BSCL2: variants seen among roughly 807,000 people sequenced by gnomAD.
The protein encoded by BSCL2 is seipin.
A neutral mutation model predicts 57.4 loss-of-function variants in BSCL2; 41 were observed. The ratio of observed to expected loss-of-function variants is 0.71; its 90% CI spans 0.56 to 0.93. The LOEUF (loss-of-function observed/expected upper bound fraction) is 0.93. Ranked by LOEUF, BSCL2 falls within the 40% of genes least tolerant of loss-of-function variation. The pLI is 0.00. For missense variants in BSCL2, 539 were observed against 586.7 expected, an observed-to-expected ratio of 0.92 and a Z score of 0.84; for synonymous variants, 237 against 227.3, an observed-to-expected ratio of 1.04 and a Z score of -0.38.
chr11:62,690,820 C>T lies in BSCL2; in HGVS notation c.1120G>A (p.Asp374Asn). ...ESTPQSDVTE[D>N]GESPEDPSGT... ...GAGGGATCTTCAGGGCTCTCACCAT[C>T]CTCTGTAACATCTGATTGCGGAGTT... The change falls in exon 9 of 11, where the codon GAT (aspartate) becomes AAT (asparagine). Residue 374 changes from aspartate (D) to asparagine (N), a missense_variant. By Grantham distance (23) the Asp-to-Asn change is conservative. Coordinates refer to ENST00000360796, the MANE Select transcript of BSCL2 (RefSeq NM_001122955.4). The T allele has an allele frequency of 3.1e-6, 5 of 1,613,634 alleles. No individual in the cohort carries two copies.
Position 62,690,604 on chromosome 11 carries a change from C to T in BSCL2, c.1234+8G>A. On this transcript the variant is annotated splice_region_variant and intron_variant, in intron 10 of 10. Transcript: ENST00000360796. ...CCCACCCAGGTCACGCTGCAGGATG[C>T]CCCTCACCATCACTGGCCTCAGGCT... 1 of 1,614,010 alleles carries T rather than the reference C, an allele frequency of 6.2e-7. No individual in the cohort carries two copies. The highest frequency in any genetic ancestry group is 8.5e-7 in the Non-Finnish European group (1 of 1,179,994).
intron 3 of BSCL2, chr11:62,697,610 A>AC (rs1945508977): frequency 6.6e-6 from 1 of 150,872 alleles, no homozygotes; most frequent in South Asian, 2.1e-4. Flanking sequence ...ACGTGGTGAA[A>AC]CCCCGTCTCT....
chr11:62,699,062 C>G (rs545779325), intron 3 of BSCL2, among the ~76,000 whole-genome samples: 1 of 152,036 alleles, frequency 6.6e-6, no homozygotes, highest in Non-Finnish European at 1.5e-5. Context: ...CACACCACCA[C>G]GCCCAGCTAA....
At chr11:62,707,741 A>C, upstream of BSCL2, 1 of 303,644 alleles carries the variant, frequency 3.3e-6, no homozygotes, top group South Asian at 3.4e-5. Context: ...AGAAACTGAG[A>C]CCAGACCTCT....
chr11:62,693,119 G>A (rs1009183670), intron 4 of BSCL2, among the ~76,000 whole-genome samples: 2 of 152,198 alleles, frequency 1.3e-5, no homozygotes, highest in African/African-American at 2.4e-5. Flanking sequence ...AAGTCCCAGC[G>A]CACCATCTGA....
At chr11:62,699,658 T>C (rs952234268) in intron 3 of BSCL2, among the ~76,000 whole-genome samples, 2 of 146,636 alleles carry the variant, frequency 1.4e-5, no homozygotes, top group African/African-American at 5.0e-5. Flanking sequence ...CTGGGCAACA[T>C]AGCAAAATCC....
At chr11:62,691,258 G>T (rs760018031) in intron 7 of BSCL2, 22 bp downstream of exon 7, 1 of 1,614,162 alleles carries the variant, frequency 6.2e-7, no homozygotes, top group South Asian at 1.1e-5. Flanking sequence ...AGGGACAAAA[G>T]GGGGTCCTTG....
At chr11:62,702,584 T>TA in intron 2 of BSCL2, 35 bp from the exon 3 acceptor site, 2 of 1,561,950 alleles carry the variant, frequency 1.3e-6, no homozygotes. Context: ...TCTGCTAAGT[T>TA]AGTCTTACTA....
chr11:62,690,360 C>T lies in BSCL2; in HGVS notation c.*7G>A. 2 of 1,613,924 alleles carry T rather than the reference C, an allele frequency of 1.2e-6. No individual in the cohort carries two copies. Among genetic ancestry groups the T allele is most frequent in the Non-Finnish European group, 1.7e-6 (2 of 1,180,026 alleles). On this transcript the variant is annotated 3_prime_UTR_variant, in exon 11 of 11. Transcript: ENST00000360796. ...GTGCTGGAATGTGAGGAGTCTGCCCCTTTTCTTCAGGAACTAGAGCAGGTG... is the reference window on the plus strand; with the variant it reads ...GTGCTGGAATGTGAGGAGTCTGCCCTTTTTCTTCAGGAACTAGAGCAGGTG...
rs752056113 is a variant in BSCL2, at chr11:62,694,552, G to A, written c.630+16C>T. The A allele has an allele frequency of 1.9e-6, 3 of 1,613,796 alleles. No individual in the cohort carries two copies. Among genetic ancestry groups the A allele is most frequent in the East Asian group, 2.2e-5 (1 of 44,850 alleles). The stretch of plus-strand genomic sequence containing the variant: ...ATCTTCCTCCACACCTTCTCAGACA[G>A]GCCACCAACACTTACCGAACGCGAA... On this transcript the variant is annotated intron_variant, in intron 4 of 10. Coordinates refer to ENST00000360796, the MANE Select transcript of BSCL2 (RefSeq NM_001122955.4).
intron 2 of BSCL2, among the ~76,000 whole-genome samples, chr11:62,702,844 G>C (rs1337244163): frequency 6.6e-6 from 1 of 151,984 alleles, no homozygotes; most frequent in African/African-American, 2.4e-5. Flanking sequence ...GACTTAAGGA[G>C]CTTGATAAAA....
At position 62,691,132 on chromosome 11, in the gene BSCL2, G is replaced by A. The variant is rs137852974; in HGVS notation, c.1015C>T (p.Arg339Ter). ...RHRFSLQVNI[R>*]KRDNSRKEVQ... ...TCCTTCCGGGAATTGTCTCTTTTTC[G>A]GATGTTAACCTGTGGAGGAAAAACT... The change falls in exon 8 of 11, where the codon CGA (arginine) becomes TGA (stop). Residue 339 changes from arginine (R) to a stop codon, truncating the protein, a stop_gained. Transcript: ENST00000360796. LOFTEE classifies it high-confidence loss of function. The A allele has an allele frequency of 5.6e-6, 9 of 1,614,012 alleles. No individual in the cohort carries two copies. In the East Asian group the frequency reaches 8.9e-5, roughly 16 times the overall value.
Position 62,692,752 on chromosome 11 carries a change from G to T in BSCL2, c.676C>A (p.Leu226Met). The T allele has an allele frequency of 6.2e-7, 1 of 1,614,126 alleles. No individual in the cohort carries two copies. The highest frequency in any genetic ancestry group is 8.5e-7 in the Non-Finnish European group (1 of 1,180,042). The change falls in exon 5 of 11, where the codon CTG (leucine) becomes ATG (methionine). Residue 226 changes from leucine (L) to methionine (M), a missense_variant. Leu to Met is a conservative substitution (Grantham distance 15). Coordinates refer to ENST00000360796, the MANE Select transcript of BSCL2 (RefSeq NM_001122955.4). Reference sequence around the variant, plus strand: ...AATAGCAGGAGGCTAGAGAAGACCAGTGTGTCCAGCATCTGGAGCAGGTCT... The same window carrying T: ...AATAGCAGGAGGCTAGAGAAGACCATTGTGTCCAGCATCTGGAGCAGGTCT... The part of the protein sequence containing the change: ...RSDLLQMLDT[L>M]VFSSLLLFGF...
chr11:62,691,268 GC>G lies in BSCL2; in HGVS notation c.1005+11del. ...ATCAAAGGGACAAAAGGGGGTCCTTGCCCCTTTCGACCTGCAAAGAGAAGCG... is the reference window on the plus strand; with the variant it reads ...ATCAAAGGGACAAAAGGGGGTCCTTGCCCTTTCGACCTGCAAAGAGAAGCG... On this transcript the variant is annotated intron_variant, in intron 7 of 10. Coordinates refer to ENST00000360796, the MANE Select transcript of BSCL2 (RefSeq NM_001122955.4). The G allele has an allele frequency of 6.2e-7, 1 of 1,614,116 alleles. No individual in the cohort carries two copies. The highest frequency in any genetic ancestry group is 8.5e-7 in the Non-Finnish European group (1 of 1,180,020).
Position 62,690,816 on chromosome 11 carries a change from CCA to C in BSCL2, c.1122_1123del (p.Asp374GlufsTer2). 1 of 1,613,646 alleles carries C rather than the reference CCA, an allele frequency of 6.2e-7. No individual in the cohort carries two copies. Among genetic ancestry groups the C allele is most frequent in the Non-Finnish European group, 8.5e-7 (1 of 1,179,950 alleles). On this transcript the variant is annotated frameshift_variant, in exon 9 of 11. Transcript: ENST00000360796. LOFTEE classifies it high-confidence loss of function. ...CCCTGAGGGATCTTCAGGGCTCTCACCATCCTCTGTAACATCTGATTGCGGAG... is the reference window on the plus strand; with the variant it reads ...CCCTGAGGGATCTTCAGGGCTCTCACTCCTCTGTAACATCTGATTGCGGAG...
At chr11:62,693,116 AGC>A (rs2134697397) in intron 4 of BSCL2, among the ~76,000 whole-genome samples, 1 of 152,296 alleles carries the variant, frequency 6.6e-6, no homozygotes, top group East Asian at 1.9e-4. Flanking sequence ...TCTAAGTCCC[AGC>A]GCACCATCTG....
intron 2 of BSCL2, among the ~76,000 whole-genome samples, chr11:62,703,742 G>T (rs899086344): frequency 1.3e-5 from 2 of 151,960 alleles, no homozygotes; most frequent in South Asian, 4.2e-4. Context: ...CTGGACCAGG[G>T]ACTTAAGGGA....
rs778931376 is a variant in BSCL2 at position 62,690,653 on chromosome 11, G to C, written c.1193C>G (p.Pro398Arg). ...LSEEEKPDQQ[P>R]LSGEEELEPE... Reference sequence around the variant, plus strand: ...CTCTAGCTCCTCTTCTCCGCTCAGGGGCTGCTGATCTGGTTTCTCCTCCTC... The same window carrying C: ...CTCTAGCTCCTCTTCTCCGCTCAGGCGCTGCTGATCTGGTTTCTCCTCCTC... The change falls in exon 10 of 11, where the codon CCC becomes CGC. Residue 398 changes from proline to arginine, a missense_variant. Physicochemically the swap from Pro to Arg is moderately radical, Grantham distance 103. This residue lies in a region of BSCL2 where 248 missense variants were observed against 239.9 expected (regional missense o/e 1.03). Transcript: ENST00000360796. 2.5e-5 allele frequency: 40 copies of C among 1,613,900 alleles called. No homozygotes were observed. The highest frequency in any genetic ancestry group is 1.6e-4 in the Middle Eastern group (1 of 6,062).
intron 2 of BSCL2, among the ~76,000 whole-genome samples, chr11:62,704,990 C>A (rs1945776062): frequency 6.6e-6 from 1 of 151,886 alleles, no homozygotes; most frequent in Non-Finnish European, 1.5e-5. Flanking sequence ...GTTGAGTTGG[C>A]TCAAAATTCT....
Sources: gnomAD v4.1 joint callset for allele counts (sites outside exome capture counted in the v4.1 genomes callset) on GRCh38, gnomAD v4.1.1 for gene constraint, gnomAD v4.1.1 regional missense constraint, MANE v1.5 for transcripts, NCBI Gene and HGNC (gene_info 2026-07-23, HGNC 2026-07-21) for gene names.